MARCHF8: variants seen among roughly 807,000 people sequenced by gnomAD.
MARCHF8 encodes the protein membrane associated ring-CH-type finger 8.
Under a neutral mutation model 51.6 loss-of-function variants are expected in MARCHF8, and 40 were observed. That is an observed-to-expected ratio of 0.77 (90% confidence interval 0.60 to 1.01). The LOEUF (loss-of-function observed/expected upper bound fraction) is 1.01, where lower values mean the gene tolerates loss of function less well. Among genes scored for constraint, MARCHF8 ranks in the 50% least tolerant of loss-of-function variants. The probability of loss-of-function intolerance (pLI) is 0.00; values close to 1 mark genes in which losing one functional copy is unlikely to be tolerated. For synonymous variants in MARCHF8, 263 were observed against 280.3 expected, an observed-to-expected ratio of 0.94 and a Z score of 0.62; for missense variants, 685 against 708.6, an observed-to-expected ratio of 0.97 and a Z score of 0.38.
intron 3 of MARCHF8, among the ~76,000 whole-genome samples, chr10:45,472,955 A>T (rs1313895587): frequency 6.6e-6 from 1 of 152,224 alleles, no homozygotes; most frequent in African/African-American, 2.4e-5. Flanking sequence ...TCTTCAGAAT[A>T]AATTAAGAAA....
intron 1 of MARCHF8, among the ~76,000 whole-genome samples, chr10:45,590,475 C>T (rs2044665469): frequency 6.6e-6 from 1 of 152,124 alleles, no homozygotes; most frequent in Admixed American, 6.5e-5. Flanking sequence ...TAAAACCGTA[C>T]AGCTACATTG....
chr10:45,569,602 A>T (rs1372158372), intron 1 of MARCHF8, among the ~76,000 whole-genome samples: 2 of 152,188 alleles, frequency 1.3e-5, no homozygotes, highest in Admixed American at 6.5e-5. Flanking sequence ...TTTTCAAAGT[A>T]TGAGAGCTGA....
intron 3 of MARCHF8, among the ~76,000 whole-genome samples, chr10:45,483,676 A>G (rs778207935): frequency 6.6e-6 from 1 of 152,258 alleles, no homozygotes; most frequent in South Asian, 2.1e-4. Flanking sequence ...GTCCACATCA[A>G]TGGACAAACA....
intron 2 of MARCHF8, among the ~76,000 whole-genome samples, chr10:45,507,689 A>G (rs2043412039): frequency 6.6e-6 from 1 of 152,148 alleles, no homozygotes; most frequent in Admixed American, 6.5e-5. Flanking sequence ...TTCAATATGA[A>G]ATTTGGAGGG....
intron 6 of MARCHF8, 61 bp from the exon 7 acceptor site, chr10:45,459,328 G>C (rs940942593): frequency 2.2e-5 from 35 of 1,557,252 alleles, no homozygotes; most frequent in South Asian, 5.9e-5. Context: ...GGTGGGGTGA[G>C]AGCATTGTAG....
Position 45,547,288 on chromosome 10 carries a change from A to G in MARCHF8, c.-78-13999T>C, listed in dbSNP as rs546071583. On this transcript the variant is annotated intron_variant, in intron 1 of 6. Transcript: ENST00000319836. ...CATTTGTAAATCTTAAGTATTTTACATGCATATTTCATTTAAATCTCACAG... is the reference window on the plus strand; with the variant it reads ...CATTTGTAAATCTTAAGTATTTTACGTGCATATTTCATTTAAATCTCACAG... Among the ~76,000 whole-genome samples the G allele has an allele frequency of 2.0e-5, 3 of 152,338 alleles. No individual in the cohort carries two copies. The East Asian group carries it at 5.8e-4, about 29-fold the overall frequency.
intron 2 of MARCHF8, among the ~76,000 whole-genome samples, chr10:45,514,685 T>C (rs61854115): frequency 0.032 from 4,887 of 152,360 alleles, 100 homozygotes; most frequent in Non-Finnish European, 0.047. Context: ...AAGACTTACT[T>C]GGTGCCATAC....
chr10:45,517,926 C>T (rs2043646480), intron 2 of MARCHF8, among the ~76,000 whole-genome samples: 1 of 152,210 alleles, frequency 6.6e-6, no homozygotes, highest in East Asian at 1.9e-4. Context: ...GACTGCTAGG[C>T]ACTATTAATT....
rs1297125078 is a variant in MARCHF8 at position 45,558,033 on chromosome 10, AT to A, written c.-78-24745del. Among the ~76,000 whole-genome samples the A allele has an allele frequency of 5.9e-5, 9 of 152,300 alleles. 1 individual carries two copies. The Middle Eastern group carries it at 0.01, about 173-fold the overall frequency. On this transcript the variant is annotated intron_variant, in intron 1 of 6. Transcript: ENST00000319836. ...GTATCAGTGACCAGTGATCACTGAT[AT>A]TTTTCCATGTGTTACTATAGTTCTA...
chr10:45,541,404 A>G (rs2044050349), intron 1 of MARCHF8, among the ~76,000 whole-genome samples: 1 of 151,936 alleles, frequency 6.6e-6, no homozygotes, highest in Non-Finnish European at 1.5e-5. Context: ...GGAACATCAC[A>G]CACCGGGGCC....
intron 1 of MARCHF8, among the ~76,000 whole-genome samples, chr10:45,580,001 T>C (rs1406429451): frequency 2.5e-4 from 15 of 60,542 alleles, no homozygotes; most frequent in Non-Finnish European, 3.6e-4. Context: ...AGACTCCGTC[T>C]CCAAAAAAAA....
chr10:45,553,483 C>T (rs2044217996), intron 1 of MARCHF8, among the ~76,000 whole-genome samples: 1 of 152,178 alleles, frequency 6.6e-6, no homozygotes, highest in South Asian at 2.1e-4. Context: ...TGAATACTTC[C>T]TGAAGTCAAG....
At chr10:45,513,232 TAAATA>T (rs1156775780) in intron 2 of MARCHF8, among the ~76,000 whole-genome samples, 3 of 151,306 alleles carry the variant, frequency 2.0e-5, no homozygotes, top group African/African-American at 2.4e-5. Context: ...TAAAAAAAAA[TAAATA>T]AAATAAAATA....
intron 1 of MARCHF8, among the ~76,000 whole-genome samples, chr10:45,581,102 CG>C (rs1194764810): frequency 6.6e-6 from 1 of 152,026 alleles, no homozygotes; most frequent in Non-Finnish European, 1.5e-5. Flanking sequence ...GAGCGGTATT[CG>C]TAAGTCTGTG....
chr10:45,514,724 T>TG (rs1204977050), intron 2 of MARCHF8, among the ~76,000 whole-genome samples: 1 of 152,240 alleles, frequency 6.6e-6, no homozygotes, highest in Non-Finnish European at 1.5e-5. Context: ...TTCCCGTCAA[T>TG]GACAGTAAAT....
chr10:45,458,845 AAAG>A (rs565266401), intron 7 of MARCHF8, among the ~76,000 whole-genome samples: 1 of 152,326 alleles, frequency 6.6e-6, no homozygotes, highest in African/African-American at 2.4e-5. Context: ...TTGCTCAGTC[AAAG>A]AAGAGTGGAA....
intron 2 of MARCHF8, among the ~76,000 whole-genome samples, chr10:45,516,014 T>C (rs561090662): frequency 7.0e-4 from 106 of 152,338 alleles, no homozygotes; most frequent in African/African-American, 2.5e-3. Context: ...TCTCTTCCCC[T>C]TTTGAAGTGA....
intron 2 of MARCHF8, among the ~76,000 whole-genome samples, chr10:45,527,615 AT>A (rs1437014022): frequency 6.6e-6 from 1 of 152,114 alleles, no homozygotes; most frequent in Non-Finnish European, 1.5e-5. Context: ...AGTAATAAAA[AT>A]AAAAAAAAAT....
intron 6 of MARCHF8, 134 bp downstream of exon 6, chr10:45,461,097 A>G (rs1359230929): frequency 9.0e-6 from 5 of 553,540 alleles, no homozygotes; most frequent in Non-Finnish European, 1.5e-5. Context: ...AATCTCTACA[A>G]TGCAAATGTA....
Sources: gnomAD v4.1 joint callset for allele counts (sites outside exome capture counted in the v4.1 genomes callset) on GRCh38, gnomAD v4.1.1 for gene constraint, MANE v1.5 for transcripts, NCBI Gene and HGNC (gene_info 2026-07-23, HGNC 2026-07-21) for gene names.